The following DDX23 variants were observed in gnomAD, a reference collection of about 807,000 sequenced individuals.
DDX23 encodes the protein probable ATP-dependent RNA helicase DDX23.
In DDX23, 33 loss-of-function variants were observed where a neutral mutation model predicts 102.7. The ratio of observed to expected loss-of-function variants is 0.32; its 90% CI spans 0.24 to 0.43. DDX23 has a LOEUF of 0.43. Among genes scored for constraint, DDX23 ranks in the 20% least tolerant of loss-of-function variants. The probability of loss-of-function intolerance (pLI) is 1.00; values close to 1 mark genes in which losing one functional copy is unlikely to be tolerated. For missense variants in DDX23, 549 were observed against 1,086.6 expected (o/e 0.51, Z 6.96); for synonymous variants, 352 against 376.0 (o/e 0.94, Z 0.74).
chr12:48,838,547 C>A (rs1310440613), intron 5 of DDX23, among the ~76,000 whole-genome samples: 7 of 150,204 alleles, frequency 4.7e-5, no homozygotes, highest in Non-Finnish European at 8.9e-5. Flanking sequence ...AAGACCTTAC[C>A]TTTAAAAAAA....
At position 48,844,852 on chromosome 12, in the gene DDX23, G is replaced by A. The variant is rs377013686; in HGVS notation, c.209+722C>T. On this transcript the variant is annotated intron_variant, in intron 2 of 16. Coordinates refer to ENST00000308025, the MANE Select transcript of DDX23 (RefSeq NM_004818.3). ...CCAACTGGGCTAGGAGTAGATTAAT[G>A]TACAAAAAGTAGATGCCTAGCCGGG... Among the ~76,000 whole-genome samples the A allele has an allele frequency of 1.9e-4, 28 of 151,090 alleles. No homozygotes were observed. In the East Asian group the frequency reaches 5.1e-3, roughly 27 times the overall value.
intron 5 of DDX23, 116 bp downstream of exon 5, chr12:48,839,728 C>CAA: frequency 1.9e-6 from 2 of 1,070,054 alleles, no homozygotes; most frequent in Non-Finnish European, 2.7e-6. Flanking sequence ...ACTCCGCTCT[C>CAA]AGACTTCCAG....
rs552235845 is a variant in DDX23, at chr12:48,831,118, G to A, written c.2239+24C>T. 57 of 1,613,404 alleles carry A rather than the reference G, an allele frequency of 3.5e-5. 1 individual carries two copies. In the South Asian group the frequency reaches 5.1e-4, roughly 14 times the overall value. On this transcript the variant is annotated intron_variant, in intron 16 of 16. Coordinates refer to ENST00000308025, the MANE Select transcript of DDX23 (RefSeq NM_004818.3). Reference sequence around the variant, plus strand: ...AAGGAATCTGACTTCACCCTGGATTGAAGCTGCTTTCCCTGGAACTTACCT... The same window carrying A: ...AAGGAATCTGACTTCACCCTGGATTAAAGCTGCTTTCCCTGGAACTTACCT...
chr12:48,845,182 G>T (rs1048454474), intron 2 of DDX23, among the ~76,000 whole-genome samples: 2 of 149,232 alleles, frequency 1.3e-5, no homozygotes, highest in African/African-American at 4.9e-5. Context: ...GGCCAGGCGC[G>T]GTGGCTCACG....
At position 48,832,736 on chromosome 12, in the gene DDX23, T is replaced by C; in HGVS notation, c.1804-163A>G. The C allele has an allele frequency of 3.4e-6, 3 of 870,290 alleles. No individual in the cohort carries two copies. The highest frequency in any genetic ancestry group is 3.6e-4 in the Middle Eastern group (1 of 2,742). The allele number at this position is 870,290 out of a possible 1,614,324, so 53.9% of individuals were successfully genotyped here. A position where few individuals can be genotyped will look rare whatever the true frequency, so the allele number is the denominator to read the frequency against. On this transcript the variant is annotated intron_variant, in intron 13 of 16. Coordinates refer to ENST00000308025, the MANE Select transcript of DDX23 (RefSeq NM_004818.3). The surrounding 1 kb of genome is among the most constrained non-coding windows in gnomAD (Gnocchi z 4.4). Reference sequence around the variant, plus strand: ...ATAGTGTCCTCTGAATTCCCATCCTTCCTGAGTACCTGCTCATCAAGGCAC... The same window carrying C: ...ATAGTGTCCTCTGAATTCCCATCCTCCCTGAGTACCTGCTCATCAAGGCAC...
At chr12:48,833,038 T>C (rs1938415155) in intron 13 of DDX23, 1 of 555,734 alleles carries the variant, frequency 1.8e-6, no homozygotes, top group South Asian at 2.1e-5. Flanking sequence ...TGGAATGGAG[T>C]AGTGGCACGA....
Position 48,836,036 on chromosome 12 carries a change from G to GT in DDX23, c.1382+84dup. The stretch of plus-strand genomic sequence containing the variant: ...AAGAAGAAAGCTTCTGATTATAGAC[G>GT]TAAAACAAAAATCAAACATTCATTT... On this transcript the variant is annotated intron_variant, in intron 11 of 16. Transcript: ENST00000308025. This position sits in a 1 kb window ranked among gnomAD's most constrained non-coding sequence, Gnocchi z 6.1. The GT allele has an allele frequency of 6.8e-7, 1 of 1,470,342 alleles. No homozygotes were observed. Among genetic ancestry groups the GT allele is most frequent in the African/African-American group, 1.4e-5 (1 of 71,938 alleles). 91.1% of individuals were successfully genotyped at this position (1,470,342 alleles called of 1,614,324 possible).
intron 12 of DDX23, 51 bp downstream of exon 12, chr12:48,834,269 C>A (rs1180515658): frequency 6.5e-7 from 1 of 1,548,166 alleles, no homozygotes; most frequent in Non-Finnish European, 8.7e-7. Context: ...AAACAAAGCC[C>A]CAAGATAGCC....
Position 48,833,481 on chromosome 12 carries a change from C to T in DDX23, c.1599G>A (p.Leu533=), listed in dbSNP as rs1308030064. ...IATPGRLIDV[L]ENRYLVLSRC... is the part of the protein sequence containing the mutation. Reference sequence around the variant, plus strand: ...GGCTCAGCACCAGGTAGCGGTTCTCCAGCACATCAATCAAACGCCCAGGGG... The same window carrying T: ...GGCTCAGCACCAGGTAGCGGTTCTCTAGCACATCAATCAAACGCCCAGGGG... Residue 533 remains leucine (L), a synonymous_variant, in exon 13 of 17, where the codon CTG becomes CTA. Transcript: ENST00000308025. The T allele has an allele frequency of 1.9e-6, 3 of 1,614,038 alleles. No homozygotes were observed. Among genetic ancestry groups the T allele is most frequent in the African/African-American group, 2.7e-5 (2 of 74,908 alleles).
Position 48,832,344 on chromosome 12 carries a change from CCCTGCA to C in DDX23, c.1955+72_1955+77del, listed in dbSNP as rs1315151700. 39 of 1,581,634 alleles carry C rather than the reference CCCTGCA, an allele frequency of 2.5e-5. No individual in the cohort carries two copies. The Admixed American group carries it at 6.6e-4, about 27-fold the overall frequency. On this transcript the variant is annotated intron_variant, in intron 14 of 16. Coordinates refer to ENST00000308025, the MANE Select transcript of DDX23 (RefSeq NM_004818.3). This position sits in a 1 kb window ranked among gnomAD's most constrained non-coding sequence, Gnocchi z 4.4. ...TCAACACAGCAGAGCAATTGCCCTGCCCTGCACCTGCACTAAAAAAGTTCTCAGAGC... is the reference window on the plus strand; with the variant it reads ...TCAACACAGCAGAGCAATTGCCCTGCCCTGCACTAAAAAAGTTCTCAGAGC...
chr12:48,840,545 GA>G (rs201775140), intron 3 of DDX23, among the ~76,000 whole-genome samples: 45 of 131,212 alleles, frequency 3.4e-4, no homozygotes, highest in African/African-American at 9.6e-4. Context: ...GTTGTTTAGA[GA>G]AAAATTTTTT....
intron 3 of DDX23, among the ~76,000 whole-genome samples, chr12:48,843,660 T>C (rs138403579): frequency 0.078 from 11,609 of 149,378 alleles, 1,235 homozygotes; most frequent in East Asian, 0.56. Flanking sequence ...GCCATTCTCC[T>C]ACCTCAGCCT....
intron 11 of DDX23, among the ~76,000 whole-genome samples, chr12:48,835,849 C>CCACTG (rs1938462076): frequency 6.6e-6 from 1 of 152,190 alleles, no homozygotes; most frequent in Admixed American, 6.5e-5. Context: ...TGAGATCGTG[C>CCACTG]CACTGCACTC....
In DDX23 at chr12:48,840,804, C is replaced by T. The variant is rs184415922; in HGVS notation, c.321-698G>A. On this transcript the variant is annotated intron_variant, in intron 3 of 16. Transcript: ENST00000308025. The stretch of plus-strand genomic sequence containing the variant: ...TTGACCTCAGGTGATACATCCACCT[C>T]GGCCACCCAAAGTGCTAGGATTACA... 1.6e-4 allele frequency among the ~76,000 whole-genome samples: 25 copies of T among 151,650 alleles called. 1 individual carries two copies. Among genetic ancestry groups the T allele is most frequent in the Admixed American group, 1.2e-3 (18 of 15,248 alleles).
intron 3 of DDX23, among the ~76,000 whole-genome samples, chr12:48,842,909 AG>A (rs1395589953): frequency 6.6e-6 from 1 of 150,854 alleles, no homozygotes; most frequent in East Asian, 2.0e-4. Flanking sequence ...GTGTCTGTGT[AG>A]AAAGAGGTAG....
intron 12 of DDX23, among the ~76,000 whole-genome samples, chr12:48,833,799 C>A (rs1938425536): frequency 6.6e-6 from 1 of 151,592 alleles, no homozygotes; most frequent in Non-Finnish European, 1.5e-5. Context: ...CATTTCAGAT[C>A]CTGAAGAAGG....
intron 1 of DDX23, among the ~76,000 whole-genome samples, chr12:48,846,506 A>G (rs1196112402): frequency 1.3e-5 from 2 of 152,168 alleles, no homozygotes; most frequent in African/African-American, 4.8e-5. Context: ...CTCAATGGAG[A>G]AAAAAGTTTA....
chr12:48,851,519 G>A (rs931270330), intron 1 of DDX23, among the ~76,000 whole-genome samples: 2 of 152,288 alleles, frequency 1.3e-5, no homozygotes, highest in Non-Finnish European at 1.5e-5. Context: ...TAGGGGGTAT[G>A]AGACACATAC....
intron 5 of DDX23, chr12:48,839,618 G>A: frequency 2.3e-6 from 1 of 435,722 alleles, no homozygotes; most frequent in Non-Finnish European, 4.0e-6. Flanking sequence ...TCCAACACAA[G>A]GGGTACATGT....
Sources: allele counts gnomAD v4.1 joint callset (sites outside exome capture counted in the v4.1 genomes callset), GRCh38; gene constraint gnomAD v4.1.1; non-coding constraint Gnocchi (gnomAD v3.1); transcripts MANE v1.5; gene names NCBI Gene and HGNC (gene_info 2026-07-23, HGNC 2026-07-21).